GPC6: variants seen among roughly 807,000 people sequenced by gnomAD.
GPC6 encodes glypican-6.
GPC6 carries 14 observed loss-of-function variants against 55.2 expected under a neutral mutation model. The ratio of observed to expected loss-of-function variants is 0.25; its 90% CI spans 0.17 to 0.40. GPC6 has a LOEUF of 0.40. Among genes scored for constraint, GPC6 ranks in the 10% least tolerant of loss-of-function variants. The pLI is 1.00. For missense variants in GPC6, 641 were observed against 708.5 expected (o/e 0.90, Z 1.08); for synonymous variants, 278 against 259.6 (o/e 1.07, Z -0.68).
At chr13:94,269,394 C>T (rs900496276) in intron 4 of GPC6, among the ~76,000 whole-genome samples, 45 of 152,164 alleles carry the variant, frequency 3.0e-4, no homozygotes, top group Middle Eastern at 3.2e-3. Context: ...ATATTGATGT[C>T]TTCCTATTCG....
chr13:93,887,719 A>G (rs1164535033), intron 3 of GPC6, among the ~76,000 whole-genome samples: 2 of 152,094 alleles, frequency 1.3e-5, no homozygotes, highest in African/African-American at 4.8e-5. Flanking sequence ...ATACAACCTT[A>G]TTGAATTTAT....
At chr13:94,359,337 T>G (rs1327663704) in intron 6 of GPC6, among the ~76,000 whole-genome samples, 2 of 152,216 alleles carry the variant, frequency 1.3e-5, no homozygotes, top group African/African-American at 4.8e-5. Flanking sequence ...ATGAAGCATA[T>G]TGGAATTTGT....
At chr13:94,151,109 A>G (rs1887724667) in intron 4 of GPC6, among the ~76,000 whole-genome samples, 1 of 152,068 alleles carries the variant, frequency 6.6e-6, no homozygotes, top group East Asian at 1.9e-4. Flanking sequence ...GTCAGACACC[A>G]AGATAAAGAG....
intron 1 of GPC6, among the ~76,000 whole-genome samples, chr13:93,275,500 C>T (rs569437282): frequency 6.6e-6 from 1 of 152,290 alleles, no homozygotes; most frequent in Non-Finnish European, 1.5e-5. Context: ...TTTTCTGGAG[C>T]TGCCATAGTA....
chr13:93,231,363 A>ACG (rs1876020837), intron 1 of GPC6, among the ~76,000 whole-genome samples: 2 of 15,850 alleles, frequency 1.3e-4, no homozygotes. Context: ...ATATATACGT[A>ACG]TATATATATA....
intron 2 of GPC6, among the ~76,000 whole-genome samples, chr13:93,645,365 A>G (rs1004352705): frequency 6.6e-6 from 1 of 152,132 alleles, no homozygotes; most frequent in Non-Finnish European, 1.5e-5. Context: ...TTCTGAAAGA[A>G]AGGTTACATA....
chr13:93,889,544 G>A (rs1376426041), intron 3 of GPC6, among the ~76,000 whole-genome samples: 2 of 151,982 alleles, frequency 1.3e-5, no homozygotes, highest in African/African-American at 4.8e-5. Context: ...TTTTAATATG[G>A]GTTTTCCCCC....
chr13:94,225,868 T>G (rs1594075752), intron 4 of GPC6, among the ~76,000 whole-genome samples: 1 of 152,146 alleles, frequency 6.6e-6, no homozygotes, highest in East Asian at 1.9e-4. Flanking sequence ...TTACCATACA[T>G]AAGAATTGGC....
At chr13:94,188,347 G>A (rs1430650574) in intron 4 of GPC6, among the ~76,000 whole-genome samples, 1 of 152,138 alleles carries the variant, frequency 6.6e-6, no homozygotes, top group African/African-American at 2.4e-5. Flanking sequence ...AGGTCACTGG[G>A]ATTGCCTGAA....
At chr13:93,489,321 C>G (rs201147614) in intron 1 of GPC6, among the ~76,000 whole-genome samples, 9 of 151,272 alleles carry the variant, frequency 5.9e-5, no homozygotes, top group African/African-American at 2.2e-4. Flanking sequence ...TTCTGTTCCA[C>G]TGGTCTATAT....
At position 94,262,769 on chromosome 13, in the gene GPC6, A is replaced by G. The variant is rs146155417; in HGVS notation, c.878-23580A>G. Among the ~76,000 whole-genome samples the G allele has an allele frequency of 4.8e-3, 726 of 152,208 alleles. 8 individuals are homozygous for G. Among genetic ancestry groups the G allele is most frequent in the African/African-American group, 0.017 (710 of 41,528 alleles). On this transcript the variant is annotated intron_variant, in intron 4 of 8. Coordinates refer to ENST00000377047, the MANE Select transcript of GPC6 (RefSeq NM_005708.5). ...AGGCTACTTTTTAATGAGCTAACAG[A>G]TGTGATCTAGGGAAGAAATTGTTGC...
intron 6 of GPC6, among the ~76,000 whole-genome samples, chr13:94,369,738 A>ATCTC (rs75493758): frequency 1.3e-5 from 2 of 151,196 alleles, no homozygotes; most frequent in African/African-American, 4.9e-5. Flanking sequence ...ATCATCTGAG[A>ATCTC]TCTCTCTCTC....
intron 2 of GPC6, among the ~76,000 whole-genome samples, chr13:93,818,119 A>G (rs1032546106): frequency 1.0e-4 from 15 of 148,172 alleles, no homozygotes; most frequent in African/African-American, 3.7e-4. Context: ...TAATTTATAT[A>G]TACACACACA....
chr13:93,808,463 T>C (rs1324527632), intron 2 of GPC6, among the ~76,000 whole-genome samples: 1 of 152,222 alleles, frequency 6.6e-6, no homozygotes, highest in East Asian at 1.9e-4. Context: ...TGAGATGCTT[T>C]CAGCCAAGGT....
chr13:94,070,282 G>A (rs1213337645), intron 4 of GPC6, among the ~76,000 whole-genome samples: 2 of 152,134 alleles, frequency 1.3e-5, no homozygotes, highest in African/African-American at 2.4e-5. Flanking sequence ...CCACCTCCAT[G>A]ACTGAATTAC....
intron 3 of GPC6, among the ~76,000 whole-genome samples, chr13:93,979,419 AG>A (rs1880687598): frequency 6.6e-6 from 1 of 151,506 alleles, no homozygotes; most frequent in Non-Finnish European, 1.5e-5. Flanking sequence ...AGTGTAATAA[AG>A]GATTAGGGTC....
chr13:94,182,158 C>T (rs1889019540), intron 4 of GPC6, among the ~76,000 whole-genome samples: 1 of 152,046 alleles, frequency 6.6e-6, no homozygotes. Flanking sequence ...AGGCAGATTC[C>T]ACTTGCTGAA....
intron 3 of GPC6, among the ~76,000 whole-genome samples, chr13:93,847,842 G>T (rs7327681): frequency 0.028 from 4,334 of 152,182 alleles, 200 homozygotes; most frequent in African/African-American, 0.097. Flanking sequence ...ATGCCTCTGT[G>T]GCTGCAACCA....
chr13:93,841,562 T>A (rs1251390113), intron 3 of GPC6, among the ~76,000 whole-genome samples: 1 of 152,148 alleles, frequency 6.6e-6, no homozygotes, highest in Non-Finnish European at 1.5e-5. Context: ...CTAAATCAAA[T>A]AACCAAGAGT....
Sources: gnomAD v4.1 joint callset for allele counts (sites outside exome capture counted in the v4.1 genomes callset) on GRCh38, gnomAD v4.1.1 for gene constraint, MANE v1.5 for transcripts, NCBI Gene and HGNC (gene_info 2026-07-23, HGNC 2026-07-21) for gene names.